The following VAV1 variants were observed in gnomAD, a reference collection of about 807,000 sequenced individuals.
The protein encoded by VAV1 is proto-oncogene vav.
Under a neutral mutation model 128.1 loss-of-function variants are expected in VAV1, and 33 were observed. The ratio of observed to expected loss-of-function variants is 0.26; its 90% CI spans 0.20 to 0.34. VAV1 has a LOEUF of 0.34. Ranked by LOEUF, VAV1 falls within the 10% of genes least tolerant of loss-of-function variation. The pLI, the probability that VAV1 is intolerant of heterozygous loss-of-function variation, is 1.00. For missense variants in VAV1, 715 were observed against 1,093.7 expected (o/e 0.65, Z 4.88); for synonymous variants, 394 against 409.8 (o/e 0.96, Z 0.47).
chr19:6,795,325 A>G (rs1971107798), intron 1 of VAV1, among the ~76,000 whole-genome samples: 1 of 152,106 alleles, frequency 6.6e-6, no homozygotes, highest in South Asian at 2.1e-4. Flanking sequence ...AATGACCTAC[A>G]TGAACCTTGA....
chr19:6,814,241 G>T (rs1398445058), intron 1 of VAV1, among the ~76,000 whole-genome samples: 2 of 152,138 alleles, frequency 1.3e-5, no homozygotes, highest in African/African-American at 4.8e-5. Flanking sequence ...TATGTGAAAA[G>T]CTAAATTCTT....
At chr19:6,836,338 A>G (rs947520613) in intron 19 of VAV1, 94 bp from the exon 20 acceptor site, 21 of 1,485,960 alleles carry the variant, frequency 1.4e-5, no homozygotes, top group Middle Eastern at 3.5e-4. Context: ...TTGCCAGTCT[A>G]AAAAGAAAAA....
intron 1 of VAV1, among the ~76,000 whole-genome samples, chr19:6,809,437 C>A (rs989192392): frequency 6.6e-6 from 1 of 152,118 alleles, no homozygotes. Flanking sequence ...AAAGGGCATT[C>A]AGGGCAGAGG....
intron 1 of VAV1, among the ~76,000 whole-genome samples, chr19:6,789,896 CCTT>C (rs1187301833): frequency 6.6e-6 from 1 of 152,208 alleles, no homozygotes; most frequent in Non-Finnish European, 1.5e-5. Flanking sequence ...CTGCACCTGG[CCTT>C]ATTTTTTATT....
chr19:6,821,273 C>T (rs540221536), intron 2 of VAV1, among the ~76,000 whole-genome samples: 49 of 151,998 alleles, frequency 3.2e-4, no homozygotes, highest in African/African-American at 1.2e-3. Flanking sequence ...TGGTGGCCGG[C>T]GCCTGTAGTC....
chr19:6,803,569 A>G (rs1443685386), intron 1 of VAV1, among the ~76,000 whole-genome samples: 1 of 152,196 alleles, frequency 6.6e-6, no homozygotes, highest in East Asian at 1.9e-4. Context: ...ATGGAATATT[A>G]TTATTATTAT....
At chr19:6,827,993 T>G in intron 9 of VAV1, 83 bp from the exon 10 acceptor site, 1 of 1,172,516 alleles carries the variant, frequency 8.5e-7, no homozygotes, top group South Asian at 1.2e-5. Context: ...CTCACGTATT[T>G]ATTCAAATCT....
rs113211422 is a variant in VAV1 at position 6,822,788 on chromosome 19, A to G, written c.654+274A>G. On this transcript the variant is annotated intron_variant, in intron 6 of 26. Coordinates refer to ENST00000602142, the MANE Select transcript of VAV1 (RefSeq NM_005428.4). This position sits in a 1 kb window ranked among gnomAD's most constrained non-coding sequence, Gnocchi z 5.9. ...ACCAAAAACAAACAAAATAAATACAAAATCAAAAATATATAAATATATTAA... is the reference window on the plus strand; with the variant it reads ...ACCAAAAACAAACAAAATAAATACAGAATCAAAAATATATAAATATATTAA... Among the ~76,000 whole-genome samples the G allele has an allele frequency of 3.4e-4, 50 of 147,912 alleles. No homozygotes were observed. Among genetic ancestry groups the G allele is most frequent in the African/African-American group, 1.1e-3 (44 of 40,918 alleles).
At chr19:6,800,559 C>G (rs1292284701) in intron 1 of VAV1, among the ~76,000 whole-genome samples, 1 of 152,140 alleles carries the variant, frequency 6.6e-6, no homozygotes, top group Non-Finnish European at 1.5e-5. Flanking sequence ...ATCAACCCAC[C>G]TCAGCGTCCC....
rs560484178 is a variant in VAV1 at position 6,783,466 on chromosome 19, C to A, written c.204+10455C>A. ...GGCCTGGAAGTGGCGCCATCACCTC[C>A]ATCCTTTTTTTTTTTTTTTTTTTTT... On this transcript the variant is annotated intron_variant, in intron 1 of 26. Transcript: ENST00000602142. Among the ~76,000 whole-genome samples, 6 of 143,216 alleles carry A rather than the reference C, an allele frequency of 4.2e-5. 1 individual carries two copies. Among genetic ancestry groups the A allele is most frequent in the African/African-American group, 1.6e-4 (6 of 37,000 alleles). 94.0% of individuals were successfully genotyped at this position (143,216 alleles called of 152,430 possible).
At position 6,788,891 on chromosome 19, in the gene VAV1, A is replaced by T. The variant is rs111645172; in HGVS notation, c.204+15880A>T. On this transcript the variant is annotated intron_variant, in intron 1 of 26. Transcript: ENST00000602142. The stretch of plus-strand genomic sequence containing the variant: ...AGATGTCAGGAGGCAATCAGTGTTT[A>T]TATGGGCAGTGACTTCTAAATTTAA... Among the ~76,000 whole-genome samples, 1,086 of 152,306 alleles carry T rather than the reference A, an allele frequency of 7.1e-3. 13 individuals are homozygous for T. Among genetic ancestry groups the T allele is most frequent in the African/African-American group, 0.025 (1,043 of 41,558 alleles).
In VAV1 at chr19:6,826,832, A is replaced by G; in HGVS notation, c.927+121A>G. 2.5e-6 allele frequency: 2 copies of G among 791,782 alleles called. No individual in the cohort carries two copies. Among genetic ancestry groups the G allele is most frequent in the Non-Finnish European group, 4.2e-6 (2 of 478,916 alleles). The allele number at this position is 791,782 out of a possible 1,614,324, so 49.0% of individuals were successfully genotyped here. On this transcript the variant is annotated intron_variant, in intron 9 of 26. Transcript: ENST00000602142. The surrounding 1 kb of genome is among the most constrained non-coding windows in gnomAD (Gnocchi z 4.1). Reference sequence around the variant, plus strand: ...GCTGCAGCCCAGCCAGAGATCCACCAAAGGACTAGGGAGGGAGGTACTAGC... The same window carrying G: ...GCTGCAGCCCAGCCAGAGATCCACCGAAGGACTAGGGAGGGAGGTACTAGC...
intron 25 of VAV1, among the ~76,000 whole-genome samples, chr19:6,853,592 A>T (rs1972719162): frequency 1.3e-5 from 2 of 151,508 alleles, no homozygotes; most frequent in Non-Finnish European, 1.5e-5. Context: ...TCAGCCGGGC[A>T]TGGTGGCACA....
rs1555700373 is a variant in VAV1, at chr19:6,805,581, G to GAT, written c.205-15119_205-15118dup. 1.9e-3 allele frequency among the ~76,000 whole-genome samples: 43 copies of GAT among 22,666 alleles called. No individual in the cohort carries two copies. In the East Asian group the frequency reaches 0.075, roughly 40 times the overall value. The allele number at this position is 22,666 out of a possible 152,430, so 14.9% of individuals were successfully genotyped here. On this transcript the variant is annotated intron_variant, in intron 1 of 26. Coordinates refer to ENST00000602142, the MANE Select transcript of VAV1 (RefSeq NM_005428.4). ...ACATAGTGAGACCCTCATTTCTACA[G>GAT]ATACACACACACACACACACACACA...
rs752656112 is a variant in VAV1, at chr19:6,854,001, G to A, written c.2387G>A (p.Arg796Gln). Residue 796 changes from arginine to glutamine, a missense_variant, in exon 26 of 27, where the codon CGA (arginine) becomes CAA (glutamine). By Grantham distance (43) the Arg-to-Gln change is conservative. This residue lies in a region of VAV1 where 407 missense variants were observed against 580.6 expected (regional missense o/e 0.70). Coordinates refer to ENST00000602142, the MANE Select transcript of VAV1 (RefSeq NM_005428.4). Reference protein sequence around the residue: ...TAKARYDFCARDRSELSLKEG... With the variant: ...TAKARYDFCAQDRSELSLKEG... ...AAAGCCCGCTATGACTTCTGCGCCC[G>A]AGACCGATCAGAGCTGTCGCTCAAG... 1.2e-6 allele frequency: 2 copies of A among 1,613,852 alleles called. No homozygotes were observed. The highest frequency in any genetic ancestry group is 1.7e-6 in the Non-Finnish European group (2 of 1,180,046).
Position 6,833,636 on chromosome 19 carries a change from G to A in VAV1, c.1708+11G>A. The A allele has an allele frequency of 1.2e-6, 2 of 1,614,110 alleles. No homozygotes were observed. The highest frequency in any genetic ancestry group is 1.7e-6 in the Non-Finnish European group (2 of 1,179,994). Reference sequence around the variant, plus strand: ...GCCGACATGGGCAAGGTACGAGTGGGAGGGAGGCTGGGAGGTGAGCTTGGT... The same window carrying A: ...GCCGACATGGGCAAGGTACGAGTGGAAGGGAGGCTGGGAGGTGAGCTTGGT... On this transcript the variant is annotated intron_variant, in intron 17 of 26. Coordinates refer to ENST00000602142, the MANE Select transcript of VAV1 (RefSeq NM_005428.4).
At chr19:6,840,373 T>A (rs1476235131) in intron 21 of VAV1, among the ~76,000 whole-genome samples, 1 of 151,576 alleles carries the variant, frequency 6.6e-6, no homozygotes, top group Non-Finnish European at 1.5e-5. Context: ...TGGCGCAATC[T>A]TGGCTCACTG....
intron 1 of VAV1, among the ~76,000 whole-genome samples, chr19:6,814,683 T>TCTTCCTTCCTTC (rs1971595774): frequency 2.1e-5 from 2 of 96,896 alleles, no homozygotes; most frequent in African/African-American, 1.2e-4. Context: ...TTTCTTTCTT[T>TCTTCCTTCCTTC]CTTTCTTTCT....
chr19:6,778,727 A>AAAAAC (rs79565466), intron 1 of VAV1, among the ~76,000 whole-genome samples: 17,522 of 151,548 alleles, frequency 0.12, 1,315 homozygotes, highest in African/African-American at 0.21. Flanking sequence ...CTTTGTCTCA[A>AAAAAC]AAAACAAAAC....
Sources: gnomAD v4.1 joint callset for allele counts (sites outside exome capture counted in the v4.1 genomes callset) on GRCh38, gnomAD v4.1.1 for gene constraint, gnomAD v4.1.1 regional missense constraint, Gnocchi (gnomAD v3.1) non-coding constraint, MANE v1.5 for transcripts, NCBI Gene and HGNC (gene_info 2026-07-23, HGNC 2026-07-21) for gene names.